Variants in CECR2 observed in about 807,000 individuals in gnomAD.
CECR2 encodes chromatin remodeling regulator CECR2.
A neutral mutation model predicts 154.5 loss-of-function variants in CECR2; 30 were observed. That is an observed-to-expected ratio of 0.19 (90% CI 0.15 to 0.26). CECR2 has a LOEUF of 0.26. CECR2 is among the 10% of genes least tolerant of loss of function. The probability of loss-of-function intolerance (pLI) is 1.00; values close to 1 mark genes in which losing one functional copy is unlikely to be tolerated. For synonymous variants in CECR2, 725 were observed against 683.7 expected, an observed-to-expected ratio of 1.06 and a Z score of -0.94; for missense variants, 1,743 against 1,829.3, an observed-to-expected ratio of 0.95 and a Z score of 0.86.
upstream of CECR2, chr22:17,369,379 T>A (rs2063026619): frequency 6.6e-6 from 1 of 150,626 alleles, no homozygotes; most frequent in East Asian, 2.0e-4. Flanking sequence ...GGGTTGTTGT[T>A]GTGGCGCGGG....
At chr22:17,387,617 C>G (rs1601263415) in intron 1 of CECR2, among the ~76,000 whole-genome samples, 1 of 152,188 alleles carries the variant, frequency 6.6e-6, no homozygotes, top group Non-Finnish European at 1.5e-5. Context: ...TCACTTTTGT[C>G]TGTGTGCACA....
At chr22:17,506,854 C>T (rs972394712) in intron 7 of CECR2, among the ~76,000 whole-genome samples, 1 of 152,170 alleles carries the variant, frequency 6.6e-6, no homozygotes, top group African/African-American at 2.4e-5. Flanking sequence ...TGGGGTTTCG[C>T]TGTGTTGGCC....
Position 17,503,168 on chromosome 22 carries a change from A to C in CECR2, c.700+37A>C, listed in dbSNP as rs763953893. ...TACTGGCATTTAGAAAGAATTAAAT[A>C]AATATGATTCATTTATGCTAGGGTG... is the stretch of plus-strand genomic sequence containing the variant. On this transcript the variant is annotated intron_variant, in intron 6 of 18. Transcript: ENST00000262608. 1.9e-6 allele frequency: 3 copies of C among 1,564,554 alleles called. No homozygotes were observed. In the South Asian group the frequency reaches 3.4e-5, roughly 18 times the overall value.
intron 2 of CECR2, among the ~76,000 whole-genome samples, chr22:17,488,986 T>C (rs2055475543): frequency 6.6e-6 from 1 of 152,232 alleles, no homozygotes; most frequent in Admixed American, 6.5e-5. Context: ...AGTTTTGCTC[T>C]TTTTGCCCAG....
At chr22:17,391,313 C>T (rs1032856385) in intron 1 of CECR2, among the ~76,000 whole-genome samples, 1 of 152,230 alleles carries the variant, frequency 6.6e-6, no homozygotes. Flanking sequence ...TGTTTTTAGG[C>T]AGGCTGAAGC....
chr22:17,429,196 G>A (rs922235023), intron 1 of CECR2, among the ~76,000 whole-genome samples: 1 of 152,062 alleles, frequency 6.6e-6, no homozygotes, highest in African/African-American at 2.4e-5. Flanking sequence ...TGGATATGGA[G>A]AGAAATGCAC....
chr22:17,543,999 T>C (rs938264305), intron 16 of CECR2, among the ~76,000 whole-genome samples: 1 of 152,196 alleles, frequency 6.6e-6, no homozygotes, highest in African/African-American at 2.4e-5. Context: ...AGAGCTGAGA[T>C]TTGGGCCCAG....
intron 9 of CECR2, among the ~76,000 whole-genome samples, chr22:17,528,999 G>GT (rs2056309000): frequency 6.6e-6 from 1 of 152,046 alleles, no homozygotes; most frequent in Admixed American, 6.6e-5. Flanking sequence ...GGGAGGCTGT[G>GT]GCAGGAGGAC....
In CECR2 at chr22:17,524,274, ATG is replaced by A. The variant is rs541330262; in HGVS notation, c.1108+6_1108+7del. ...GGAGAAGGTCAAGGCAGTGGAAGGT[ATG>A]TGCAGTGTCCGCGTGGTCTGGAGAG... On this transcript the variant is annotated splice_donor_5th_base_variant and intron_variant, in intron 9 of 18. Coordinates refer to ENST00000262608, the MANE Select transcript of CECR2 (RefSeq NM_001290047.2). The A allele has an allele frequency of 1.2e-4, 185 of 1,597,864 alleles. 1 individual carries two copies. The East Asian group carries it at 3.6e-3, about 31-fold the overall frequency.
At chr22:17,543,227 G>A (rs774777567) in intron 16 of CECR2, among the ~76,000 whole-genome samples, 10 of 152,046 alleles carry the variant, frequency 6.6e-5, no homozygotes, top group Non-Finnish European at 1.2e-4. Flanking sequence ...CCACCTCCCG[G>A]GTTCATGCCA....
chr22:17,527,275 C>T (rs947162102), intron 9 of CECR2, among the ~76,000 whole-genome samples: 4 of 151,404 alleles, frequency 2.6e-5, no homozygotes, highest in African/African-American at 4.9e-5. Context: ...CTCGGCAACA[C>T]GGTAAAACCC....
chr22:17,552,774 G>GTTTTTTTTTTTGTTTTTTT, intron 18 of CECR2, 61 bp from the exon 19 acceptor site: 1 of 933,470 alleles, frequency 1.1e-6, no homozygotes, highest in Non-Finnish European at 1.5e-6. Context: ...GCTTACTTAA[G>GTTTTTTTTTTTGTTTTTTT]TTTTTTTTTT....
intron 14 of CECR2, 78 bp downstream of exon 14, chr22:17,540,878 A>G: frequency 7.1e-7 from 1 of 1,400,834 alleles, no homozygotes; most frequent in Non-Finnish European, 9.5e-7. Context: ...TTCAGTTAGT[A>G]CTTCCTGCAA....
intron 2 of CECR2, among the ~76,000 whole-genome samples, chr22:17,490,560 G>A (rs573210049): frequency 7.4e-4 from 113 of 151,948 alleles, no homozygotes; most frequent in African/African-American, 2.6e-3. Context: ...TCAGCCTCCC[G>A]AGTAGCTGGG....
intron 5 of CECR2, 21 bp downstream of exon 5, chr22:17,500,756 G>A (rs2055723050): frequency 1.3e-6 from 2 of 1,496,098 alleles, no homozygotes; most frequent in Non-Finnish European, 1.8e-6. Flanking sequence ...CTTGTTAGTT[G>A]TGGTCATAGA....
chr22:17,493,925 T>A (rs1243697876), intron 2 of CECR2, among the ~76,000 whole-genome samples: 1 of 152,234 alleles, frequency 6.6e-6, no homozygotes, highest in Non-Finnish European at 1.5e-5. Flanking sequence ...ATTCCATGTT[T>A]TATTTTATTG....
chr22:17,456,502 A>C (rs2054856482), intron 1 of CECR2, among the ~76,000 whole-genome samples: 1 of 152,220 alleles, frequency 6.6e-6, no homozygotes, highest in African/African-American at 2.4e-5. Flanking sequence ...TATCTGCAAA[A>C]AGCCCTTCAA....
In CECR2 at chr22:17,545,374, C is replaced by CAAAAAAAAAAAAAAAAAAAA. The variant is rs695493; in HGVS notation, c.2860+2375_2860+2394dup. Among the ~76,000 whole-genome samples, 5 of 46,442 alleles carry CAAAAAAAAAAAAAAAAAAAA rather than the reference C, an allele frequency of 1.1e-4. 1 individual carries two copies. Among genetic ancestry groups the CAAAAAAAAAAAAAAAAAAAA allele is most frequent in the African/African-American group, 3.6e-4 (4 of 11,098 alleles). The allele number at this position is 46,442 out of a possible 152,430, so 30.5% of individuals were successfully genotyped here. On this transcript the variant is annotated intron_variant, in intron 16 of 18. Transcript: ENST00000262608. ...TGGGCGAAACAGCGAGACTCCGTCT[C>CAAAAAAAAAAAAAAAAAAAA]AAAAAAAAAAAAAAAAAAAAAAAGA...
At chr22:17,406,245 G>T (rs1021156511) in intron 1 of CECR2, among the ~76,000 whole-genome samples, 1 of 152,206 alleles carries the variant, frequency 6.6e-6, no homozygotes, top group African/African-American at 2.4e-5. Context: ...GTAGGACCGG[G>T]CATGGTGGCT....
Sources: gnomAD v4.1 joint callset for allele counts (sites outside exome capture counted in the v4.1 genomes callset) on GRCh38, gnomAD v4.1.1 for gene constraint, MANE v1.5 for transcripts, NCBI Gene and HGNC (gene_info 2026-07-23, HGNC 2026-07-21) for gene names.